The following PAM variants were observed in gnomAD, a reference collection of about 807,000 sequenced individuals.
PAM encodes peptidylglycine alpha-amidating monooxygenase, also known as peptidyl-glycine alpha-amidating monooxygenase.
In PAM, 72 loss-of-function variants were observed where a neutral mutation model predicts 122.1. The observed-to-expected ratio is 0.59, with a 90% CI of 0.49 to 0.72. The LOEUF is 0.72. Ranked by LOEUF, PAM falls within the 30% of genes least tolerant of loss-of-function variation. The probability of loss-of-function intolerance (pLI) is 0.00; values close to 1 mark genes in which losing one functional copy is unlikely to be tolerated. For synonymous variants in PAM, 389 were observed against 404.4 expected, an observed-to-expected ratio of 0.96 and a Z score of 0.46; for missense variants, 1,106 against 1,183.7, an observed-to-expected ratio of 0.93 and a Z score of 0.96.
chr5:102,884,377 A>T (rs527378479), intron 3 of PAM, among the ~76,000 whole-genome samples: 11 of 151,950 alleles, frequency 7.2e-5, no homozygotes, highest in African/African-American at 2.6e-4. Flanking sequence ...TAAATGTTTC[A>T]TTCCTATTCC....
chr5:102,982,245 C>T (rs944441421), intron 15 of PAM, among the ~76,000 whole-genome samples: 4 of 152,176 alleles, frequency 2.6e-5, no homozygotes, highest in Non-Finnish European at 5.9e-5. Context: ...CACAGGGGGG[C>T]CTGAGGACTG....
intron 21 of PAM, among the ~76,000 whole-genome samples, chr5:103,012,463 G>A (rs1028868583): frequency 9.9e-5 from 15 of 152,146 alleles, no homozygotes; most frequent in African/African-American, 3.6e-4. Flanking sequence ...TAGGGATCAA[G>A]TATCATTCGT....
rs186122669 is a variant in PAM at position 103,021,889 on chromosome 5, T to C, written c.2485+2046T>C. 1.4e-3 allele frequency among the ~76,000 whole-genome samples: 211 copies of C among 152,188 alleles called. 2 individuals carry two copies. The highest frequency in any genetic ancestry group is 3.4e-3 in the Middle Eastern group (1 of 294). ...TTAATTTTTAATCCCCAAATTTGAG[T>C]TGCCTTTGATAACACTTATCCCTAC... On this transcript the variant is annotated intron_variant, in intron 23 of 25. Transcript: ENST00000438793.
chr5:102,781,020 A>G (rs933875125), intron 1 of PAM, among the ~76,000 whole-genome samples: 1 of 152,002 alleles, frequency 6.6e-6, no homozygotes, highest in African/African-American at 2.4e-5. Context: ...GATGTTGCCA[A>G]ATGTCTCCTG....
intron 3 of PAM, among the ~76,000 whole-genome samples, chr5:102,877,446 A>G (rs1789599836): frequency 6.6e-6 from 1 of 152,246 alleles, no homozygotes; most frequent in East Asian, 1.9e-4. Flanking sequence ...GAAACAGGTT[A>G]GAATCTACAT....
At chr5:102,911,445 AAGT>A (rs1468826630) in intron 4 of PAM, among the ~76,000 whole-genome samples, 2 of 152,026 alleles carry the variant, frequency 1.3e-5, no homozygotes, top group Admixed American at 6.6e-5. Flanking sequence ...TTAGAGTTCA[AAGT>A]AGAGCAAATA....
intron 12 of PAM, among the ~76,000 whole-genome samples, chr5:102,952,772 T>G (rs1241818433): frequency 2.0e-5 from 3 of 152,190 alleles, no homozygotes; most frequent in Non-Finnish European, 4.4e-5. Context: ...CAGTTGAGAA[T>G]GTGACCAGTG....
At chr5:102,846,690 C>T (rs1472057756) in intron 1 of PAM, among the ~76,000 whole-genome samples, 1 of 152,170 alleles carries the variant, frequency 6.6e-6, no homozygotes, top group African/African-American at 2.4e-5. Flanking sequence ...AGAGGACAGT[C>T]AAGAACTAAG....
intron 1 of PAM, among the ~76,000 whole-genome samples, chr5:102,846,694 A>G (rs1401409560): frequency 6.6e-6 from 1 of 152,178 alleles, no homozygotes. Flanking sequence ...GACAGTCAAG[A>G]ACTAAGGTTG....
At chr5:103,006,113 T>A (rs1405357526) in intron 18 of PAM, among the ~76,000 whole-genome samples, 1 of 152,050 alleles carries the variant, frequency 6.6e-6, no homozygotes, top group African/African-American at 2.4e-5. Context: ...TTTTTTAAAT[T>A]TTTTGTAGAG....
chr5:103,007,471 A>T lies in PAM; in HGVS notation c.2029A>T (p.Ser677Cys). ...TTGTTCTGCAGAGTCTTCAGGGAGC[A>T]GTCCTCTGCCAGGCCAGTTCACTGT... The part of the protein sequence containing the change: ...TQWGEESSGS[S>C]PLPGQFTVPH... The change falls in exon 20 of 26, where the codon AGT becomes TGT. Residue 677 changes from serine (S) to cysteine (C), a missense_variant. Physicochemically the swap from Ser to Cys is moderately radical, Grantham distance 112 (BLOSUM62 -1). Transcript: ENST00000438793. 1 of 1,614,018 alleles carries T rather than the reference A, an allele frequency of 6.2e-7. No homozygotes were observed.
At chr5:102,994,277 A>G (rs1775010880) in intron 16 of PAM, among the ~76,000 whole-genome samples, 1 of 152,096 alleles carries the variant, frequency 6.6e-6, no homozygotes, top group Admixed American at 6.6e-5. Context: ...GTTCTTCATT[A>G]TTTTACCTAA....
intron 14 of PAM, among the ~76,000 whole-genome samples, chr5:102,969,851 T>C (rs1176181589): frequency 6.6e-6 from 1 of 152,232 alleles, no homozygotes; most frequent in Non-Finnish European, 1.5e-5. Context: ...AGCTTAAGTT[T>C]TGTAAGTGAC....
chr5:103,005,947 T>C (rs1272295293), intron 18 of PAM, among the ~76,000 whole-genome samples: 3 of 151,532 alleles, frequency 2.0e-5, no homozygotes, highest in Admixed American at 6.6e-5. Context: ...GTTGTTGTTG[T>C]TGTTTGAGAC....
Position 103,006,860 on chromosome 5 carries a change from G to A in PAM, c.1863G>A (p.Met621Ile). 6.2e-7 allele frequency: 1 copy of A among 1,614,046 alleles called. No individual in the cohort carries two copies. The highest frequency in any genetic ancestry group is 8.5e-7 in the Non-Finnish European group (1 of 1,179,896). ...CTGTATTAATCCTGGGAAGGAGCATGCAACCAGGCAGTGACCAGAATCACT... is the reference window on the plus strand; with the variant it reads ...CTGTATTAATCCTGGGAAGGAGCATACAACCAGGCAGTGACCAGAATCACT... ...EGPVLILGRS[M>I]QPGSDQNHFC... The change falls in exon 19 of 26, where the codon ATG becomes ATA. Residue 621 changes from methionine to isoleucine, a missense_variant. Physicochemically the swap from Met to Ile is conservative, Grantham distance 10. Around this residue, in one of 3 missense-constraint regions of PAM, gnomAD observed 103 missense variants for 157.9 expected, o/e 0.65. Coordinates refer to ENST00000438793, the MANE Select transcript of PAM (RefSeq NM_001177306.2).
intron 24 of PAM, 141 bp from the exon 25 acceptor site, chr5:103,028,038 CCTTTCT>C (rs1785479794): frequency 1.6e-6 from 1 of 625,748 alleles, no homozygotes; most frequent in Non-Finnish European, 2.8e-6. Flanking sequence ...AAATATACCG[CCTTTCT>C]TAAAAATTAG....
At chr5:102,829,374 T>TG (rs766934209) in intron 1 of PAM, among the ~76,000 whole-genome samples, 3,934 of 147,244 alleles carry the variant, frequency 0.027, 119 homozygotes, top group East Asian at 0.14. Context: ...TTTTTTTTTT[T>TG]TTTTTTTTTT....
intron 3 of PAM, among the ~76,000 whole-genome samples, chr5:102,876,325 T>C (rs1789200682): frequency 6.6e-6 from 1 of 152,200 alleles, no homozygotes; most frequent in Non-Finnish European, 1.5e-5. Context: ...ACCTACCTTG[T>C]ACCCGTGTAC....
intron 12 of PAM, among the ~76,000 whole-genome samples, chr5:102,952,674 G>A (rs1161288966): frequency 1.3e-5 from 2 of 151,980 alleles, no homozygotes; most frequent in South Asian, 2.1e-4. Flanking sequence ...CAGTTAATAT[G>A]CTTTTTATTT....
Sources: allele counts gnomAD v4.1 joint callset (sites outside exome capture counted in the v4.1 genomes callset), GRCh38; gene constraint gnomAD v4.1.1; regional missense constraint gnomAD v4.1.1; transcripts MANE v1.5; gene names NCBI Gene and HGNC (gene_info 2026-07-23, HGNC 2026-07-21).